Variants in VAC14 observed in about 807,000 individuals in gnomAD.
VAC14 encodes VAC14 component of PIKFYVE complex.
Under a neutral mutation model 85.3 loss-of-function variants are expected in VAC14, and 47 were observed. That is an observed-to-expected ratio of 0.55 (90% confidence interval 0.44 to 0.70). The LOEUF (loss-of-function observed/expected upper bound fraction) is 0.70, where lower values mean the gene tolerates loss of function less well. Ranked by LOEUF, VAC14 falls within the 30% of genes least tolerant of loss-of-function variation. VAC14 has a pLI of 0.00. For missense variants in VAC14, 861 were observed against 1,004.3 expected, an observed-to-expected ratio of 0.86 and a Z score of 1.93; for synonymous variants, 447 against 430.5, an observed-to-expected ratio of 1.04 and a Z score of -0.47.
At chr16:70,767,977 G>A (rs973633393) in intron 10 of VAC14, among the ~76,000 whole-genome samples, 7 of 152,136 alleles carry the variant, frequency 4.6e-5, no homozygotes, top group East Asian at 1.9e-4. Context: ...CTCAAGCTCC[G>A]GGGCTCAACT....
At chr16:70,745,465 C>G (rs1237621822) in intron 12 of VAC14, among the ~76,000 whole-genome samples, 3 of 150,370 alleles carry the variant, frequency 2.0e-5, no homozygotes. Flanking sequence ...CGGACCTGCC[C>G]TGTTGGGAGG....
chr16:70,690,897 G>T, intron 18 of VAC14: 3 of 985,418 alleles, frequency 3.0e-6, no homozygotes, highest in Non-Finnish European at 3.6e-6. Context: ...GAAGGCTAGG[G>T]GGTGTCTCAC....
intron 10 of VAC14, chr16:70,766,476 G>A (rs746927333): frequency 4.4e-6 from 2 of 456,632 alleles, no homozygotes; most frequent in African/African-American, 4.0e-5. Flanking sequence ...TGAAGGTATA[G>A]GGCATCTTCA....
At chr16:70,689,703 C>T in intron 18 of VAC14, 4 of 985,632 alleles carry the variant, frequency 4.1e-6, no homozygotes, top group Non-Finnish European at 4.8e-6. Context: ...CCTAGCGGGG[C>T]TCAGCTGACT....
intron 14 of VAC14, among the ~76,000 whole-genome samples, chr16:70,718,844 G>A (rs2054223643): frequency 6.6e-6 from 1 of 152,196 alleles, no homozygotes; most frequent in Admixed American, 6.5e-5. Context: ...AGGCGATGTG[G>A]TGGCCGTGTC....
intron 17 of VAC14, among the ~76,000 whole-genome samples, chr16:70,694,009 C>T (rs996174191): frequency 1.3e-5 from 2 of 152,218 alleles, no homozygotes; most frequent in African/African-American, 4.8e-5. Context: ...CCAGCAGAAG[C>T]GCGAGCCTGT....
chr16:70,706,137 G>A (rs543198085), intron 14 of VAC14, among the ~76,000 whole-genome samples: 3 of 152,346 alleles, frequency 2.0e-5, no homozygotes, highest in African/African-American at 7.2e-5. Context: ...TGCAAGCCCA[G>A]CTCTTTGGTC....
chr16:70,697,902 G>A (rs1488168981), intron 15 of VAC14, among the ~76,000 whole-genome samples: 1 of 152,172 alleles, frequency 6.6e-6, no homozygotes, highest in East Asian at 1.9e-4. Flanking sequence ...AGCAGGGTCT[G>A]AGCCGGCAGG....
At chr16:70,703,341 C>A (rs934590231) in intron 14 of VAC14, among the ~76,000 whole-genome samples, 1 of 152,190 alleles carries the variant, frequency 6.6e-6, no homozygotes, top group South Asian at 2.1e-4. Flanking sequence ...TGGGAGGGAA[C>A]CTGAACAGGG....
At chr16:70,773,433 C>T (rs960386201) in intron 9 of VAC14, among the ~76,000 whole-genome samples, 1 of 152,104 alleles carries the variant, frequency 6.6e-6, no homozygotes, top group African/African-American at 2.4e-5. Context: ...CAACCTTTTT[C>T]TTTTGGCATC....
chr16:70,732,355 G>A (rs1192348729), intron 13 of VAC14, among the ~76,000 whole-genome samples: 3 of 152,166 alleles, frequency 2.0e-5, no homozygotes, highest in Admixed American at 6.5e-5. Flanking sequence ...TTCTAACCAG[G>A]AGCACAAATG....
chr16:70,701,869 C>T (rs972634485), intron 14 of VAC14, among the ~76,000 whole-genome samples: 3 of 152,222 alleles, frequency 2.0e-5, no homozygotes, highest in Non-Finnish European at 2.9e-5. Context: ...GCCAAGCCCA[C>T]GTGGCCCTAG....
At chr16:70,743,048 T>C (rs943205138) in intron 13 of VAC14, among the ~76,000 whole-genome samples, 2 of 151,390 alleles carry the variant, frequency 1.3e-5, no homozygotes, top group Non-Finnish European at 2.9e-5. Context: ...CAATCAGCAC[T>C]GTGTGTCTAA....
intron 13 of VAC14, among the ~76,000 whole-genome samples, chr16:70,741,363 G>A (rs372511458): frequency 9.2e-5 from 14 of 152,260 alleles, no homozygotes; most frequent in African/African-American, 3.1e-4. Flanking sequence ...TCAGTGCCTG[G>A]CACGTGCCCT....
At chr16:70,795,709 C>T (rs2034517841) in intron 1 of VAC14, among the ~76,000 whole-genome samples, 2 of 152,196 alleles carry the variant, frequency 1.3e-5, no homozygotes, top group Non-Finnish European at 2.9e-5. Context: ...CTCCCTGGGG[C>T]TTTGGGCTCT....
chr16:70,703,114 C>T (rs1166912634), intron 14 of VAC14, among the ~76,000 whole-genome samples: 1 of 152,254 alleles, frequency 6.6e-6, no homozygotes, highest in Admixed American at 6.5e-5. Context: ...GGAGGCCTGG[C>T]AGATGGCTGC....
At chr16:70,742,873 A>G (rs1280320333) in intron 13 of VAC14, among the ~76,000 whole-genome samples, 1 of 152,250 alleles carries the variant, frequency 6.6e-6, no homozygotes, top group East Asian at 1.9e-4. Context: ...AGGCAGCTGG[A>G]CTTCCTCGGT....
intron 13 of VAC14, among the ~76,000 whole-genome samples, chr16:70,736,021 C>T (rs80346763): frequency 0.018 from 2,695 of 152,294 alleles, 72 homozygotes; most frequent in African/African-American, 0.061. Flanking sequence ...TTTGGTAGGC[C>T]GTGGTGGCCT....
chr16:70,745,482 AGTGT>A (rs145054065), intron 12 of VAC14, among the ~76,000 whole-genome samples: 450 of 143,860 alleles, frequency 3.1e-3, no homozygotes, highest in Middle Eastern at 0.014. Flanking sequence ...GAGGGGCTTC[AGTGT>A]GTGTGTGTGT....
Sources: gnomAD v4.1 joint callset for allele counts (sites outside exome capture counted in the v4.1 genomes callset) on GRCh38, gnomAD v4.1.1 for gene constraint, MANE v1.5 for transcripts, NCBI Gene and HGNC (gene_info 2026-07-23, HGNC 2026-07-21) for gene names.